The following DDB2 variants were observed in gnomAD, a reference collection of about 807,000 sequenced individuals.
The protein encoded by DDB2 is DNA damage-binding protein 2.
Under a neutral mutation model 50.5 loss-of-function variants are expected in DDB2, and 27 were observed. The observed-to-expected ratio is 0.53, with a 90% CI of 0.39 to 0.74. DDB2 has a LOEUF of 0.74. DDB2 is among the 30% of genes least tolerant of loss of function. The pLI is 0.00. For synonymous variants in DDB2, 176 were observed against 205.5 expected, an observed-to-expected ratio of 0.86 and a Z score of 1.23; for missense variants, 424 against 545.6, an observed-to-expected ratio of 0.78 and a Z score of 2.22.
chr11:47,238,320 G>T (rs1953774224), intron 9 of DDB2, 137 bp downstream of exon 9: 2 of 796,224 alleles, frequency 2.5e-6, no homozygotes, highest in South Asian at 1.5e-5. Flanking sequence ...GGGAGACAGT[G>T]GTCTCTATAG....
intron 6 of DDB2, 134 bp downstream of exon 6, chr11:47,235,068 C>T (rs1285602362): frequency 1.1e-5 from 14 of 1,309,066 alleles, no homozygotes; most frequent in Non-Finnish European, 1.4e-5. Flanking sequence ...GTCTGGGAAC[C>T]TTTGTGGCTG....
At chr11:47,228,138 CA>C (rs35908583) in intron 3 of DDB2, among the ~76,000 whole-genome samples, 12,567 of 57,514 alleles carry the variant, frequency 0.22, 405 homozygotes, top group South Asian at 0.29. Context: ...GGCTCTGTCT[CA>C]AAAAAAAAAA....
At chr11:47,218,059 G>T (rs1024090132) in intron 3 of DDB2, among the ~76,000 whole-genome samples, 6 of 152,100 alleles carry the variant, frequency 3.9e-5, no homozygotes, top group African/African-American at 1.4e-4. Context: ...TCTTCTCATG[G>T]CTGGCGTCTT....
intron 3 of DDB2, among the ~76,000 whole-genome samples, chr11:47,230,604 G>A (rs560692893): frequency 3.3e-5 from 5 of 152,264 alleles, no homozygotes; most frequent in Admixed American, 6.5e-5. Context: ...CTACCAGCAA[G>A]CATTTGGCAG....
chr11:47,232,457 G>A (rs1162705952), intron 3 of DDB2, among the ~76,000 whole-genome samples: 1 of 151,648 alleles, frequency 6.6e-6, no homozygotes, highest in African/African-American at 2.4e-5. Context: ...TTCAAGACCA[G>A]CTTGGGCAAC....
At position 47,229,106 on chromosome 11, in the gene DDB2, C is replaced by T. The variant is rs73467642; in HGVS notation, c.457-3708C>T. Among the ~76,000 whole-genome samples the T allele has an allele frequency of 5.3e-3, 809 of 151,882 alleles. 8 individuals carry two copies. The highest frequency in any genetic ancestry group is 0.019 in the African/African-American group (767 of 41,410). On this transcript the variant is annotated intron_variant, in intron 3 of 9. Coordinates refer to ENST00000256996, the MANE Select transcript of DDB2 (RefSeq NM_000107.3). ...TAGGATCAAGCAAGATAGATGTTTA[C>T]GTAGTGGGAAGGCTACAGTGCTGGA...
At chr11:47,233,745 CT>C (rs1212492768) in intron 4 of DDB2, among the ~76,000 whole-genome samples, 1 of 151,454 alleles carries the variant, frequency 6.6e-6, no homozygotes, top group Non-Finnish European at 1.5e-5. Flanking sequence ...ATACTCGTCA[CT>C]TTGATTTCCA....
rs780005436 is a variant in DDB2 at position 47,238,900 on chromosome 11, G to A, written c.*51G>A. 2 of 1,595,810 alleles carry A rather than the reference G, an allele frequency of 1.3e-6. No homozygotes were observed. The highest frequency in any genetic ancestry group is 2.2e-5 in the South Asian group (2 of 90,570). Reference sequence around the variant, plus strand: ...GACAAGGCCTTGGAGCCCACACATGGGATCAAGTCCTGCAAGCAGAGGTGG... The same window carrying A: ...GACAAGGCCTTGGAGCCCACACATGAGATCAAGTCCTGCAAGCAGAGGTGG... On this transcript the variant is annotated 3_prime_UTR_variant, in exon 10 of 10. Transcript: ENST00000256996.
chr11:47,236,963 A>G (rs1393503513), intron 7 of DDB2, among the ~76,000 whole-genome samples: 1 of 152,196 alleles, frequency 6.6e-6, no homozygotes, highest in Admixed American at 6.5e-5. Flanking sequence ...TTCTTCCTTC[A>G]AAACTTCCTT....
chr11:47,236,576 T>C (rs1484929717), intron 7 of DDB2, among the ~76,000 whole-genome samples: 1 of 152,256 alleles, frequency 6.6e-6, no homozygotes, highest in Non-Finnish European at 1.5e-5. Flanking sequence ...ATTTTGGATC[T>C]GTTTCCTCAT....
intron 3 of DDB2, among the ~76,000 whole-genome samples, chr11:47,219,362 A>AT (rs958116708): frequency 5.9e-5 from 9 of 151,286 alleles, no homozygotes; most frequent in Non-Finnish European, 1.2e-4. Flanking sequence ...GAACTTCATT[A>AT]TTTTTTTTTA....
intron 3 of DDB2, among the ~76,000 whole-genome samples, chr11:47,225,644 C>T (rs1456730392): frequency 1.3e-5 from 2 of 151,670 alleles, no homozygotes; most frequent in African/African-American, 2.4e-5. Context: ...AAACAATTTA[C>T]AATCTTTACT....
At chr11:47,214,806 A>C, upstream of DDB2, 2 of 397,948 alleles carry the variant, frequency 5.0e-6, no homozygotes, top group Non-Finnish European at 4.7e-6. Context: ...GCCGGGGACC[A>C]TCTTTGCTCC....
At chr11:47,228,573 G>A (rs1953592871) in intron 3 of DDB2, among the ~76,000 whole-genome samples, 2 of 151,138 alleles carry the variant, frequency 1.3e-5, no homozygotes, top group Admixed American at 1.3e-4. Flanking sequence ...AACCCAGGAG[G>A]CAGAGGTTGC....
At chr11:47,235,480 C>T in intron 7 of DDB2, 68 bp downstream of exon 7, 10 of 1,546,846 alleles carry the variant, frequency 6.5e-6, no homozygotes, top group Non-Finnish European at 8.7e-6. Flanking sequence ...GGTCTGCCCA[C>T]AGTGGGGAAG....
At chr11:47,234,728 C>G (rs747046524) in intron 5 of DDB2, 29 bp from the exon 6 acceptor site, 1 of 1,613,912 alleles carries the variant, frequency 6.2e-7, no homozygotes, top group East Asian at 2.2e-5. Flanking sequence ...GGTTCTGTGT[C>G]CCCACCTGAA....
chr11:47,232,699 G>A, intron 3 of DDB2, 115 bp from the exon 4 acceptor site: 1 of 1,103,414 alleles, frequency 9.1e-7, no homozygotes, highest in Non-Finnish European at 1.4e-6. Flanking sequence ...AAGCTGACCT[G>A]GCCCCAAGCG....
intron 3 of DDB2, among the ~76,000 whole-genome samples, chr11:47,221,055 C>G (rs941421465): frequency 1.3e-5 from 2 of 151,654 alleles, no homozygotes; most frequent in Non-Finnish European, 2.9e-5. Flanking sequence ...TCCAGCTACT[C>G]AGGAATCTGA....
At chr11:47,238,088 TCTG>T in intron 8 of DDB2, 47 bp from the exon 9 acceptor site, 2 of 1,611,398 alleles carry the variant, frequency 1.2e-6, no homozygotes, top group Non-Finnish European at 1.7e-6. Context: ...ATCAGGTGTC[TCTG>T]CTAATACCTT....
Sources: gnomAD v4.1 joint callset for allele counts (sites outside exome capture counted in the v4.1 genomes callset) on GRCh38, gnomAD v4.1.1 for gene constraint, MANE v1.5 for transcripts, NCBI Gene and HGNC (gene_info 2026-07-23, HGNC 2026-07-21) for gene names.